PLCG2: variants seen among roughly 807,000 people sequenced by gnomAD.
The protein encoded by PLCG2 is 1-phosphatidylinositol 4,5-bisphosphate phosphodiesterase gamma-2.
Under a neutral mutation model 175.6 loss-of-function variants are expected in PLCG2, and 69 were observed. The ratio of observed to expected loss-of-function variants is 0.39; its 90% confidence interval spans 0.32 to 0.48. The LOEUF (loss-of-function observed/expected upper bound fraction) is 0.48. Ranked by LOEUF, PLCG2 falls within the 20% of genes least tolerant of loss-of-function variation. PLCG2 has a pLI of 0.91. For synonymous variants in PLCG2, 827 were observed against 624.0 expected (o/e 1.33, Z -4.85); for missense variants, 1,798 against 1,650.9 (o/e 1.09, Z -1.54).
intron 2 of PLCG2, among the ~76,000 whole-genome samples, chr16:81,773,190 A>T (rs1354448994): frequency 6.6e-6 from 1 of 152,044 alleles, no homozygotes; most frequent in South Asian, 2.1e-4. Flanking sequence ...GAAAAGGTGT[A>T]CTCTTTTCAG....
At chr16:81,902,157 G>C (rs905906983) in intron 14 of PLCG2, among the ~76,000 whole-genome samples, 3 of 152,242 alleles carry the variant, frequency 2.0e-5, no homozygotes, top group African/African-American at 7.2e-5. Context: ...CACGTTACCT[G>C]CAAGGACTGT....
chr16:81,846,227 G>T (rs1212749173), intron 2 of PLCG2, among the ~76,000 whole-genome samples: 2 of 57,954 alleles, frequency 3.5e-5, no homozygotes, highest in East Asian at 8.5e-4. Context: ...GACTGGCAGG[G>T]AGGACAAGAG....
chr16:81,799,208 G>C (rs80084509), intron 2 of PLCG2, among the ~76,000 whole-genome samples: 2 of 152,242 alleles, frequency 1.3e-5, no homozygotes, highest in African/African-American at 4.8e-5. Context: ...TTCTGGGTGA[G>C]AAAAACAACC....
Position 81,838,778 on chromosome 16 carries a change from AATATATAT to A in PLCG2, c.194-15643_194-15636del, listed in dbSNP as rs10549962. ...TATCCCAGAACTTAAAGTAAAATTAAATATATATATATATATATATATATATATATGTA... is the reference window on the plus strand; with the variant it reads ...TATCCCAGAACTTAAAGTAAAATTAAATATATATATATATATATATATGTA... On this transcript the variant is annotated intron_variant, in intron 2 of 32. Coordinates refer to ENST00000564138, the MANE Select transcript of PLCG2 (RefSeq NM_002661.5). 4.9e-3 allele frequency among the ~76,000 whole-genome samples: 693 copies of A among 141,652 alleles called. 5 individuals are homozygous for A. The highest frequency in any genetic ancestry group is 9.5e-3 in the African/African-American group (365 of 38,342). The allele number at this position is 141,652 out of a possible 152,430, so 92.9% of individuals were successfully genotyped here. A position where few individuals can be genotyped will look rare whatever the true frequency, so the allele number is the denominator to read the frequency against.
intron 30 of PLCG2, among the ~76,000 whole-genome samples, chr16:81,944,425 T>C (rs1363401256): frequency 6.6e-6 from 1 of 152,184 alleles, no homozygotes; most frequent in East Asian, 1.9e-4. Context: ...TTAAAGGATA[T>C]GGGAGGATGT....
intron 2 of PLCG2, among the ~76,000 whole-genome samples, chr16:81,846,015 C>T (rs887860595): frequency 6.6e-6 from 1 of 152,190 alleles, no homozygotes; most frequent in African/African-American, 2.4e-5. Flanking sequence ...TCATAGTGTT[C>T]TTGTGAGGAA....
chr16:81,747,375 A>C (rs1909725879), intron 1 of PLCG2, among the ~76,000 whole-genome samples: 1 of 152,228 alleles, frequency 6.6e-6, no homozygotes, highest in East Asian at 1.9e-4. Context: ...TCTTTACTAA[A>C]AATACAGAAA....
chr16:81,948,074 A>C (rs1248120404), intron 31 of PLCG2, among the ~76,000 whole-genome samples: 1 of 139,872 alleles, frequency 7.1e-6, no homozygotes, highest in African/African-American at 2.5e-5. Flanking sequence ...AGTCGTTGGC[A>C]GTTCTTTACT....
intron 10 of PLCG2, among the ~76,000 whole-genome samples, chr16:81,889,726 C>T (rs1908542262): frequency 6.6e-6 from 1 of 152,112 alleles, no homozygotes; most frequent in Non-Finnish European, 1.5e-5. Flanking sequence ...GGGATCTCAC[C>T]TCACTGCAAC....
chr16:81,852,423 C>G (rs912032934), intron 2 of PLCG2, among the ~76,000 whole-genome samples: 1 of 152,024 alleles, frequency 6.6e-6, no homozygotes, highest in Non-Finnish European at 1.5e-5. Context: ...ATGGGTGCAT[C>G]CCATGAAAAG....
chr16:81,900,106 G>GCT (rs879484030), intron 13 of PLCG2, among the ~76,000 whole-genome samples: 1 of 28,418 alleles, frequency 3.5e-5, no homozygotes, highest in African/African-American at 7.0e-5. Context: ...ATGTATGCAT[G>GCT]CACACATGCA....
At chr16:81,813,671 G>A (rs1904415493) in intron 2 of PLCG2, among the ~76,000 whole-genome samples, 1 of 152,208 alleles carries the variant, frequency 6.6e-6, no homozygotes, top group Non-Finnish European at 1.5e-5. Flanking sequence ...ACTTGGTGTT[G>A]CCTGGAGTCC....
chr16:81,785,728 A>G, intron 1 of PLCG2: 1 of 352,142 alleles, frequency 2.8e-6, no homozygotes, highest in African/African-American at 2.1e-5. Context: ...TGGGTCCTTG[A>G]GGTCAGGGGC....
intron 15 of PLCG2, among the ~76,000 whole-genome samples, chr16:81,907,038 A>G (rs75846438): frequency 7.4e-5 from 2 of 27,022 alleles, no homozygotes; most frequent in South Asian, 2.1e-3. Context: ...CTCTGTCTCA[A>G]AAAAAAAAAA....
chr16:81,804,839 A>T (rs1448089818), intron 2 of PLCG2, among the ~76,000 whole-genome samples: 1 of 152,214 alleles, frequency 6.6e-6, no homozygotes, highest in Admixed American at 6.5e-5. Flanking sequence ...TGGCACCAGG[A>T]TGAGAGAGTG....
At chr16:81,929,686 A>G (rs1051010623) in intron 24 of PLCG2, among the ~76,000 whole-genome samples, 8 of 152,248 alleles carry the variant, frequency 5.3e-5, no homozygotes, top group Admixed American at 2.0e-4. Flanking sequence ...ATGTGCCACC[A>G]TGCCCAGCCT....
At chr16:81,762,236 T>C (rs1910056830) in intron 2 of PLCG2, among the ~76,000 whole-genome samples, 1 of 152,204 alleles carries the variant, frequency 6.6e-6, no homozygotes. Flanking sequence ...GGCAAATGCA[T>C]ACATATGTTG....
At chr16:81,852,157 A>G (rs12923110) in intron 2 of PLCG2, 88,905 of 152,002 alleles carry the variant, frequency 0.58, 26,735 homozygotes, top group Middle Eastern at 0.68. Context: ...ACTTTCTTCC[A>G]TGGTAGACAA....
intron 30 of PLCG2, among the ~76,000 whole-genome samples, chr16:81,945,516 TA>T (rs1911115366): frequency 6.6e-6 from 1 of 152,244 alleles, no homozygotes; most frequent in Non-Finnish European, 1.5e-5. Context: ...TGTGTTCTTT[TA>T]TACTAAAACA....
Sources: gnomAD v4.1 joint callset for allele counts (sites outside exome capture counted in the v4.1 genomes callset) on GRCh38, gnomAD v4.1.1 for gene constraint, MANE v1.5 for transcripts, NCBI Gene and HGNC (gene_info 2026-07-23, HGNC 2026-07-21) for gene names.